Variants in CREB3L2 observed in about 807,000 individuals in gnomAD.
CREB3L2 encodes the protein cAMP responsive element binding protein 3 like 2.
A neutral mutation model predicts 57.2 loss-of-function variants in CREB3L2; 23 were observed. The ratio of observed to expected loss-of-function variants is 0.40; its 90% CI spans 0.29 to 0.57. The LOEUF (loss-of-function observed/expected upper bound fraction) is 0.57, where lower values mean the gene tolerates loss of function less well. Among genes scored for constraint, CREB3L2 ranks in the 20% least tolerant of loss-of-function variants. CREB3L2 has a pLI of 0.42. For synonymous variants in CREB3L2, 268 were observed against 265.1 expected, an observed-to-expected ratio of 1.01 and a Z score of -0.11; for missense variants, 628 against 634.7, an observed-to-expected ratio of 0.99 and a Z score of 0.11.
intron 8 of CREB3L2, among the ~76,000 whole-genome samples, chr7:137,899,413 C>T (rs1799706857): frequency 6.6e-6 from 1 of 152,222 alleles, no homozygotes; most frequent in Non-Finnish European, 1.5e-5. Flanking sequence ...TTTGTCCCAC[C>T]CACCCATGAA....
chr7:137,925,397 T>C (rs1038586244), intron 2 of CREB3L2, among the ~76,000 whole-genome samples: 6 of 152,186 alleles, frequency 3.9e-5, no homozygotes, highest in African/African-American at 1.2e-4. Context: ...TAATTCCCCA[T>C]CTATCACTGA....
rs1363397485 is a variant in CREB3L2, at chr7:138,001,401, T to G, written c.102+203A>C. Among the ~76,000 whole-genome samples the G allele has an allele frequency of 1.3e-5, 2 of 152,188 alleles. No individual in the cohort carries two copies. The highest frequency in any genetic ancestry group is 2.9e-5 in the Non-Finnish European group (2 of 68,018). On this transcript the variant is annotated intron_variant, in intron 1 of 11. Coordinates refer to ENST00000330387, the MANE Select transcript of CREB3L2 (RefSeq NM_194071.4). The surrounding 1 kb of genome is among the most constrained non-coding windows in gnomAD (Gnocchi z 4.2). ...ATTGTTAAAGGAATACAAAGTGGCATTACTCTCATGAGAAATGTAAAGGGG... is the reference window on the plus strand; with the variant it reads ...ATTGTTAAAGGAATACAAAGTGGCAGTACTCTCATGAGAAATGTAAAGGGG...
rs150569195 is a variant in CREB3L2, at chr7:137,989,868, C to T, written c.102+11736G>A. Among the ~76,000 whole-genome samples the T allele has an allele frequency of 4.8e-3, 726 of 152,276 alleles. 22 individuals carry two copies. The highest frequency in any genetic ancestry group is 0.036 in the Admixed American group (553 of 15,298). ...CAAGAAATCTCCCATAGCCCTCATGCCCTGTAATCACATCTCCAGTCTAAC... is the reference window on the plus strand; with the variant it reads ...CAAGAAATCTCCCATAGCCCTCATGTCCTGTAATCACATCTCCAGTCTAAC... On this transcript the variant is annotated intron_variant, in intron 1 of 11. Transcript: ENST00000330387.
chr7:137,997,805 A>T (rs946788106), intron 1 of CREB3L2, among the ~76,000 whole-genome samples: 4 of 152,226 alleles, frequency 2.6e-5, no homozygotes, highest in African/African-American at 9.6e-5. Flanking sequence ...TTTTCAGAGA[A>T]TTTTATAGGA....
chr7:137,990,397 C>T (rs1055738769), intron 1 of CREB3L2, among the ~76,000 whole-genome samples: 2 of 152,222 alleles, frequency 1.3e-5, no homozygotes, highest in Non-Finnish European at 2.9e-5. Context: ...ATACTTCAAA[C>T]ACAGCTCTCA....
At chr7:138,000,557 G>A (rs1467942224) in intron 1 of CREB3L2, among the ~76,000 whole-genome samples, 1 of 152,094 alleles carries the variant, frequency 6.6e-6, no homozygotes, top group African/African-American at 2.4e-5. Flanking sequence ...CAGAGTCAAA[G>A]GCCAAAGAGG....
At chr7:137,920,816 T>C (rs1373196870) in intron 2 of CREB3L2, among the ~76,000 whole-genome samples, 3 of 152,196 alleles carry the variant, frequency 2.0e-5, no homozygotes, top group Non-Finnish European at 4.4e-5. Context: ...GTAGCTGAAA[T>C]GAAAGAAAAC....
At chr7:137,918,379 C>G (rs112574598) in intron 2 of CREB3L2, among the ~76,000 whole-genome samples, 1 of 151,980 alleles carries the variant, frequency 6.6e-6, no homozygotes, top group East Asian at 1.9e-4. Flanking sequence ...TTAGTAGAGA[C>G]GGGGTTTTGT....
chr7:137,885,758 C>T (rs1256200102), intron 8 of CREB3L2, among the ~76,000 whole-genome samples: 1 of 152,184 alleles, frequency 6.6e-6, no homozygotes, highest in Non-Finnish European at 1.5e-5. Context: ...AGGTAACTGC[C>T]TCCACATTAC....
intron 6 of CREB3L2, among the ~76,000 whole-genome samples, chr7:137,904,640 G>C (rs1019135083): frequency 6.6e-6 from 1 of 152,040 alleles, no homozygotes; most frequent in African/African-American, 2.4e-5. Flanking sequence ...CTCCAGCCTA[G>C]GTGACAGAGA....
chr7:137,943,209 C>G (rs1206134706), intron 1 of CREB3L2, among the ~76,000 whole-genome samples: 1 of 152,118 alleles, frequency 6.6e-6, no homozygotes, highest in Non-Finnish European at 1.5e-5. Context: ...TATTCTGAGA[C>G]CAACTATGAC....
In CREB3L2 at chr7:137,880,602, A is replaced by G. The variant is rs576726956; in HGVS notation, c.1488-51T>C. 5 of 1,408,546 alleles carry G rather than the reference A, an allele frequency of 3.5e-6. No individual in the cohort carries two copies. In the African/African-American group the frequency reaches 7.0e-5, roughly 20 times the overall value. The allele number at this position is 1,408,546 out of a possible 1,614,324, so 87.3% of individuals were successfully genotyped here. A position where few individuals can be genotyped will look rare whatever the true frequency, so the allele number is the denominator to read the frequency against. On this transcript the variant is annotated intron_variant, in intron 11 of 11. Coordinates refer to ENST00000330387, the MANE Select transcript of CREB3L2 (RefSeq NM_194071.4). The surrounding 1 kb of genome is among the most constrained non-coding windows in gnomAD (Gnocchi z 4.0). ...AAGTATTAGTCACCAGCTGTTAGCT[A>G]CAATTCTCATGCTTTGTAGCGTGAT...
chr7:137,883,840 C>T (rs916040360), intron 10 of CREB3L2, among the ~76,000 whole-genome samples: 1 of 152,182 alleles, frequency 6.6e-6, no homozygotes, highest in Non-Finnish European at 1.5e-5. Flanking sequence ...TACTGTACTG[C>T]CTAACCCCAT....
chr7:137,964,504 G>C (rs1485110774), intron 1 of CREB3L2, among the ~76,000 whole-genome samples: 1 of 152,112 alleles, frequency 6.6e-6, no homozygotes, highest in African/African-American at 2.4e-5. Context: ...CAAGGCTATT[G>C]ACCCATCAAA....
chr7:137,921,936 A>AT (rs755563060), intron 2 of CREB3L2, among the ~76,000 whole-genome samples: 5,970 of 136,256 alleles, frequency 0.044, 122 homozygotes, highest in Middle Eastern at 0.047. Flanking sequence ...TCACCCAGCT[A>AT]TTTTTTTTTT....
chr7:137,909,592 T>C (rs1186293669), intron 4 of CREB3L2, among the ~76,000 whole-genome samples: 1 of 152,230 alleles, frequency 6.6e-6, no homozygotes, highest in Non-Finnish European at 1.5e-5. Context: ...CCCACACAGC[T>C]GGTTCTGCTC....
At chr7:137,894,331 G>C (rs1799577702) in intron 8 of CREB3L2, among the ~76,000 whole-genome samples, 1 of 152,162 alleles carries the variant, frequency 6.6e-6, no homozygotes, top group South Asian at 2.1e-4. Flanking sequence ...CATATATGCT[G>C]CTGCTCACTC....
intron 8 of CREB3L2, among the ~76,000 whole-genome samples, chr7:137,892,199 T>C (rs1563241230): frequency 6.6e-6 from 1 of 152,112 alleles, no homozygotes; most frequent in Non-Finnish European, 1.5e-5. Context: ...TAAAGAACTA[T>C]CGATTTGTGA....
Position 137,885,099 on chromosome 7 carries a change from A to G in CREB3L2, c.1166T>C (p.Val389Ala), listed in dbSNP as rs1799384619. 2 of 1,614,056 alleles carry G rather than the reference A, an allele frequency of 1.2e-6. No individual in the cohort carries two copies. Among genetic ancestry groups the G allele is most frequent in the Admixed American group, 1.7e-5 (1 of 60,006 alleles). Residue 389 changes from valine (V) to alanine (A), a missense_variant, in exon 10 of 12, where the codon GTT becomes GCT. Coordinates refer to ENST00000330387, the MANE Select transcript of CREB3L2 (RefSeq NM_194071.4). The stretch of plus-strand genomic sequence containing the variant: ...GCCTTGAAAGAAGCTGCCGAATGCA[A>G]CGGCAAAGCACAGCACCACAACCTG... ...CLMVVVLCFA[V>A]AFGSFFQGYG...
Sources: allele counts gnomAD v4.1 joint callset (sites outside exome capture counted in the v4.1 genomes callset), GRCh38; gene constraint gnomAD v4.1.1; non-coding constraint Gnocchi (gnomAD v3.1); transcripts MANE v1.5; gene names NCBI Gene and HGNC (gene_info 2026-07-23, HGNC 2026-07-21).